KIF13A: variants seen among roughly 807,000 people sequenced by gnomAD.
The protein encoded by KIF13A is kinesin-like protein KIF13A.
KIF13A carries 79 observed loss-of-function variants against 212.2 expected under a neutral mutation model. That is an observed-to-expected ratio of 0.37 (90% CI 0.31 to 0.45). KIF13A has a LOEUF of 0.45. Among genes scored for constraint, KIF13A ranks in the 20% least tolerant of loss-of-function variants. The pLI, the probability that KIF13A is intolerant of heterozygous loss-of-function variation, is 1.00. For synonymous variants in KIF13A, 789 were observed against 808.6 expected (o/e 0.98, Z 0.41); for missense variants, 1,901 against 2,209.0 (o/e 0.86, Z 2.79).
At chr6:17,903,970 C>G (rs945481872) in intron 2 of KIF13A, among the ~76,000 whole-genome samples, 6 of 150,580 alleles carry the variant, frequency 4.0e-5, no homozygotes, top group Non-Finnish European at 7.4e-5. Context: ...CTAGGCAACA[C>G]AGTAAGACCC....
intron 2 of KIF13A, among the ~76,000 whole-genome samples, chr6:17,975,288 G>A (rs558373642): frequency 6.6e-6 from 1 of 152,254 alleles, no homozygotes; most frequent in South Asian, 2.1e-4. Flanking sequence ...GGGAGGTGAA[G>A]GTTGCAATGA....
chr6:17,859,804 T>A (rs949825124), intron 4 of KIF13A, among the ~76,000 whole-genome samples: 5 of 151,366 alleles, frequency 3.3e-5, no homozygotes, highest in African/African-American at 1.2e-4. Flanking sequence ...CCCGGCCAAT[T>A]TTTTCTATCT....
chr6:17,964,247 C>T (rs1226673030), intron 2 of KIF13A, among the ~76,000 whole-genome samples: 1 of 152,192 alleles, frequency 6.6e-6, no homozygotes, highest in Non-Finnish European at 1.5e-5. Flanking sequence ...TACAGCAGCT[C>T]ATATCGTAGC....
chr6:17,774,590 A>G (rs1759773301), intron 35 of KIF13A, among the ~76,000 whole-genome samples: 2 of 152,178 alleles, frequency 1.3e-5, no homozygotes, highest in African/African-American at 2.4e-5. Flanking sequence ...CCTGGCCAAC[A>G]TGGCGAAACT....
downstream of KIF13A, chr6:17,760,752 C>T: frequency 1.7e-6 from 2 of 1,206,108 alleles, no homozygotes; most frequent in South Asian, 2.5e-5. Flanking sequence ...GGTCTGAGGT[C>T]CAGCCAGGCG....
chr6:17,763,852 A>G lies in KIF13A; in HGVS notation c.*258T>C. The stretch of plus-strand genomic sequence containing the variant: ...TAACTAAACATCCCAGGGAATGAAT[A>G]TGAGATTGATCCTTATCCATCTGAA... On this transcript the variant is annotated 3_prime_UTR_variant, in exon 39 of 39. Coordinates refer to ENST00000259711, the MANE Select transcript of KIF13A (RefSeq NM_022113.6). The G allele has an allele frequency of 7.7e-7, 1 of 1,298,122 alleles. No individual in the cohort carries two copies. 80.4% of individuals were successfully genotyped at this position (1,298,122 alleles called of 1,614,324 possible).
In KIF13A at chr6:17,912,202, A is replaced by T. The variant is rs1173903400; in HGVS notation, c.147-14022T>A. 2.0e-5 allele frequency among the ~76,000 whole-genome samples: 3 copies of T among 152,220 alleles called. No individual in the cohort carries two copies. Among genetic ancestry groups the T allele is most frequent in the African/African-American group, 4.8e-5 (2 of 41,458 alleles). ...ACGCATTGCATGCCTACATCAAAAC[A>T]TCTCATGTACCCTATAAATATATAT... On this transcript the variant is annotated intron_variant, in intron 2 of 38. Transcript: ENST00000259711. This position sits in a 1 kb window ranked among gnomAD's most constrained non-coding sequence, Gnocchi z 4.2.
chr6:17,890,328 A>G (rs1241494220), intron 3 of KIF13A, among the ~76,000 whole-genome samples: 3 of 152,150 alleles, frequency 2.0e-5, no homozygotes, highest in African/African-American at 7.2e-5. Context: ...GTGTGTTTCA[A>G]TGTGGCTCCT....
In KIF13A at chr6:17,900,157, A is replaced by G. The variant is rs1009053883; in HGVS notation, c.147-1977T>C. 6.6e-6 allele frequency among the ~76,000 whole-genome samples: 1 copy of G among 152,152 alleles called. No individual in the cohort carries two copies. Among genetic ancestry groups the G allele is most frequent in the Admixed American group, 6.5e-5 (1 of 15,278 alleles). ...AGGTTTCCCATTTATGTTATGATGA[A>G]CCCAGTAACCCAACGGGGCTGGGAC... On this transcript the variant is annotated intron_variant, in intron 2 of 38. Transcript: ENST00000259711. The surrounding 1 kb of genome is among the most constrained non-coding windows in gnomAD (Gnocchi z 4.6).
In KIF13A at chr6:17,781,270, A is replaced by G. The variant is rs2150307713; in HGVS notation, c.3576T>C (p.Val1192=). 2 of 1,613,092 alleles carry G rather than the reference A, an allele frequency of 1.2e-6. No homozygotes were observed. The highest frequency in any genetic ancestry group is 1.7e-6 in the Non-Finnish European group (2 of 1,179,540). The change falls in exon 30 of 39, where the codon GTT becomes GTC. Residue 1192 remains valine (V), a synonymous_variant. Coordinates refer to ENST00000259711, the MANE Select transcript of KIF13A (RefSeq NM_022113.6). ...AGTTCACGCCGGATGCATGGGGGCC[A>G]ACAAGCTGCTCATTGGCACTGAGGT... ...ADDLSANEQL[V]GPHASGVNSI... is the part of the protein sequence containing the mutation.
intron 22 of KIF13A, among the ~76,000 whole-genome samples, chr6:17,797,843 A>G (rs1172964715): frequency 6.6e-6 from 1 of 152,172 alleles, no homozygotes; most frequent in African/African-American, 2.4e-5. Flanking sequence ...GGCTGCAGTG[A>G]GCCGTGATTG....
At chr6:17,953,034 T>G (rs1464657770) in intron 2 of KIF13A, among the ~76,000 whole-genome samples, 3 of 152,098 alleles carry the variant, frequency 2.0e-5, no homozygotes, top group African/African-American at 7.2e-5. Flanking sequence ...AGGAATATAT[T>G]AATGATGCTT....
At chr6:17,962,654 C>A (rs1245220282) in intron 2 of KIF13A, among the ~76,000 whole-genome samples, 2 of 152,216 alleles carry the variant, frequency 1.3e-5, no homozygotes, top group Non-Finnish European at 2.9e-5. Flanking sequence ...GTCTGGACAA[C>A]ATCCACAGGC....
chr6:17,840,976 T>G (rs183021464), intron 9 of KIF13A, among the ~76,000 whole-genome samples: 26 of 152,282 alleles, frequency 1.7e-4, no homozygotes, highest in Middle Eastern at 3.4e-3. Flanking sequence ...GTGGAGAAAC[T>G]TCTGTGTCAC....
Position 17,967,695 on chromosome 6 carries a change from T to TAGGTTTCCTCCTGCTCCCAACTGCCCAGC in KIF13A, c.146+19330_146+19358dup, listed in dbSNP as rs1561816296. ...TCTCCAAAGGAAAGACCTGCAGTGT[T>TAGGTTTCCTCCTGCTCCCAACTGCCCAGC]AGGTTTCCTCCTGCTCCCAACTGCC... On this transcript the variant is annotated intron_variant, in intron 2 of 38. Coordinates refer to ENST00000259711, the MANE Select transcript of KIF13A (RefSeq NM_022113.6). The surrounding 1 kb of genome is among the most constrained non-coding windows in gnomAD (Gnocchi z 4.1). Among the ~76,000 whole-genome samples, 7 of 152,270 alleles carry TAGGTTTCCTCCTGCTCCCAACTGCCCAGC rather than the reference T, an allele frequency of 4.6e-5. No individual in the cohort carries two copies. The highest frequency in any genetic ancestry group is 7.4e-5 in the Non-Finnish European group (5 of 68,018).
At chr6:17,944,842 T>C (rs2150560994) in intron 2 of KIF13A, among the ~76,000 whole-genome samples, 1 of 152,218 alleles carries the variant, frequency 6.6e-6, no homozygotes. Flanking sequence ...GCAAACAAAA[T>C]TACTATCTAT....
chr6:17,770,327 T>C (rs972423598), intron 38 of KIF13A: 9 of 151,232 alleles, frequency 6.0e-5, no homozygotes, highest in African/African-American at 1.7e-4. Context: ...GACAAAAATT[T>C]AGAGAATTCT....
At chr6:17,916,766 T>G (rs1174371670) in intron 2 of KIF13A, among the ~76,000 whole-genome samples, 1 of 152,090 alleles carries the variant, frequency 6.6e-6, no homozygotes, top group Non-Finnish European at 1.5e-5. Context: ...GTTAAGAAAT[T>G]TATTTAGTTT....
Position 17,828,180 on chromosome 6 carries a change from C to A in KIF13A, c.1532+60G>T, listed in dbSNP as rs976371110. 3 of 1,541,444 alleles carry A rather than the reference C, an allele frequency of 1.9e-6. No individual in the cohort carries two copies. The highest frequency in any genetic ancestry group is 2.7e-5 in the African/African-American group (2 of 73,272). On this transcript the variant is annotated intron_variant, in intron 14 of 38. Coordinates refer to ENST00000259711, the MANE Select transcript of KIF13A (RefSeq NM_022113.6). The surrounding 1 kb of genome is among the most constrained non-coding windows in gnomAD (Gnocchi z 4.3). ...GCTGAAAGCAAACAGAAAGAGGCAG[C>A]CTTCTCCTTCTGAAAATAAGGCACA...
Sources: gnomAD v4.1 joint callset for allele counts (sites outside exome capture counted in the v4.1 genomes callset) on GRCh38, gnomAD v4.1.1 for gene constraint, Gnocchi (gnomAD v3.1) non-coding constraint, MANE v1.5 for transcripts, NCBI Gene and HGNC (gene_info 2026-07-23, HGNC 2026-07-21) for gene names.